HS1BP3: variants seen among roughly 807,000 people sequenced by gnomAD.
HS1BP3 encodes the protein HCLS1 binding protein 3, also known as HCLS1-binding protein 3.
Under a neutral mutation model 33.5 loss-of-function variants are expected in HS1BP3, and 32 were observed. The observed-to-expected ratio is 0.95, with a 90% CI of 0.72 to 1.28. HS1BP3 has a LOEUF of 1.28. Ranked by LOEUF, HS1BP3 falls within the 50% of genes most tolerant of loss-of-function variation. HS1BP3 has a pLI of 0.00. For synonymous variants in HS1BP3, 187 were observed against 209.2 expected (o/e 0.89, Z 0.92); for missense variants, 486 against 502.3 (o/e 0.97, Z 0.31).
the HS1BP3 span, among the ~76,000 whole-genome samples, chr2:20,554,025 G>A: frequency 3.3e-5 from 5 of 152,200 alleles, no homozygotes; most frequent in South Asian, 2.1e-4. Flanking sequence ...GCCTGGCCCC[G>A]ATCCCTAATT....
At chr2:20,586,674 C>G (rs1693692182) in intron 5 of HS1BP3, 2 of 152,108 alleles carry the variant, frequency 1.3e-5, no homozygotes, top group South Asian at 4.2e-4. Flanking sequence ...CCTCCAAAAG[C>G]AAAAATTAAG....
intron 3 of HS1BP3, among the ~76,000 whole-genome samples, chr2:20,638,987 G>A (rs60580455): frequency 0.074 from 11,231 of 152,296 alleles, 412 homozygotes; most frequent in Admixed American, 0.11. Context: ...TGTGTGCGCC[G>A]CAGGGATGGC....
intron 1 of HS1BP3, among the ~76,000 whole-genome samples, chr2:20,647,301 T>C (rs955823123): frequency 2.6e-5 from 4 of 152,174 alleles, no homozygotes; most frequent in African/African-American, 9.7e-5. Context: ...TCCCCTGACT[T>C]CTTACCCAGA....
intron 4 of HS1BP3, among the ~76,000 whole-genome samples, chr2:20,632,367 T>C (rs1371781017): frequency 1.3e-5 from 2 of 152,094 alleles, no homozygotes; most frequent in Admixed American, 6.5e-5. Context: ...GTCCTTGCAG[T>C]GGGGAATGCC....
chr2:20,593,607 C>T (rs73919930), intron 3 of HS1BP3, among the ~76,000 whole-genome samples: 11,665 of 152,134 alleles, frequency 0.077, 609 homozygotes, highest in African/African-American at 0.15. Flanking sequence ...TCCTCTTTTT[C>T]GAGCCAGACA....
intron 4 of HS1BP3, among the ~76,000 whole-genome samples, chr2:20,633,769 C>A (rs1695035841): frequency 6.6e-6 from 1 of 152,200 alleles, no homozygotes. Context: ...GTAACCTGCC[C>A]ACCTCAGCTG....
chr2:20,637,061 A>G (rs1695160433), intron 4 of HS1BP3: 1 of 108,162 alleles, frequency 9.2e-6, no homozygotes, highest in South Asian at 3.6e-4. Flanking sequence ...AAGGGGTCCC[A>G]GGATAGCTGA....
Position 20,638,424 on chromosome 2 carries a change from CAGG to C in HS1BP3, c.623+9_623+11del, listed in dbSNP as rs1695225256. On this transcript the variant is annotated intron_variant, in intron 4 of 6. Transcript: ENST00000304031. ...TACACCAAAGGGGCCCTCTCAACAA[CAGG>C]AGACCAACCGCATAATGCCCAGAGG... 1 of 1,612,570 alleles carries C rather than the reference CAGG, an allele frequency of 6.2e-7. No homozygotes were observed. The highest frequency in any genetic ancestry group is 1.7e-5 in the Admixed American group (1 of 59,940).
chr2:20,601,523 G>A (rs530646403), intron 2 of HS1BP3, among the ~76,000 whole-genome samples: 4 of 152,154 alleles, frequency 2.6e-5, no homozygotes, highest in Non-Finnish European at 5.9e-5. Context: ...GGACCCGGTG[G>A]GAGGTAATTG....
chr2:20,643,252 G>A (rs1695412650), intron 2 of HS1BP3, among the ~76,000 whole-genome samples: 1 of 152,208 alleles, frequency 6.6e-6, no homozygotes, highest in Admixed American at 6.5e-5. Context: ...TGTGATTCAT[G>A]GAGGTGTTAA....
chr2:20,560,992 G>T (rs926673893), intron 5 of HS1BP3, among the ~76,000 whole-genome samples: 1 of 152,142 alleles, frequency 6.6e-6, no homozygotes, highest in African/African-American at 2.4e-5. Context: ...GGGGCAGAGG[G>T]CAGCAGTGAA....
rs546076900 is a variant in HS1BP3, at chr2:20,600,916, C to T, written c.179-2651G>A. Among the ~76,000 whole-genome samples, 19 of 152,156 alleles carry T rather than the reference C, an allele frequency of 1.2e-4. No homozygotes were observed. In the South Asian group the frequency reaches 3.9e-3, roughly 32 times the overall value. ...TTCTAGGGTGGAGTGGTCATTCTTT[C>T]CCTCTGGAGTCAAACTTCAGTTAAT... is the stretch of plus-strand genomic sequence containing the variant. On this transcript the variant is annotated intron_variant, in intron 2 of 3. Coordinates refer to the HS1BP3 transcript ENST00000415264.
intron 5 of HS1BP3, among the ~76,000 whole-genome samples, chr2:20,564,395 C>A (rs114348669): frequency 0.01 from 1,561 of 152,364 alleles, 29 homozygotes; most frequent in African/African-American, 0.036. Context: ...TGCTGGTGAC[C>A]AGCCAGTTCC....
rs182145322 is a variant in HS1BP3, at chr2:20,600,761, G to A, written c.179-2496C>T. Among the ~76,000 whole-genome samples, 4 of 152,214 alleles carry A rather than the reference G, an allele frequency of 2.6e-5. No homozygotes were observed. In the East Asian group the frequency reaches 7.7e-4, roughly 29 times the overall value. ...AGAAAAATCTTTTAAAATGTGAGTG[G>A]TTATCTTTGAAAAATGAGATTGTGT... On this transcript the variant is annotated intron_variant, in intron 2 of 3. Coordinates refer to the HS1BP3 transcript ENST00000415264.
chr2:20,642,065 T>C (rs1335021350), intron 2 of HS1BP3, among the ~76,000 whole-genome samples: 2 of 152,158 alleles, frequency 1.3e-5, no homozygotes, highest in African/African-American at 2.4e-5. Context: ...TCACCTGCTG[T>C]ATGCACACAC....
At chr2:20,605,458 A>G (rs1165812780) in intron 2 of HS1BP3, among the ~76,000 whole-genome samples, 3 of 152,072 alleles carry the variant, frequency 2.0e-5, no homozygotes, top group African/African-American at 4.8e-5. Context: ...ATCACATAAA[A>G]TTTACCATTT....
chr2:20,646,182 A>G (rs58149059), intron 1 of HS1BP3, among the ~76,000 whole-genome samples: 7,501 of 152,292 alleles, frequency 0.049, 311 homozygotes, highest in African/African-American at 0.11. Context: ...CTTGAAGTGG[A>G]AAAAGTTATT....
chr2:20,596,935 G>A (rs958385543), intron 3 of HS1BP3, among the ~76,000 whole-genome samples: 10 of 152,136 alleles, frequency 6.6e-5, no homozygotes, highest in African/African-American at 2.4e-4. Flanking sequence ...ATGGCTCCCT[G>A]GACTCTGTGG....
downstream of HS1BP3, among the ~76,000 whole-genome samples, chr2:20,615,623 T>C (rs1356112854): frequency 6.6e-6 from 1 of 152,222 alleles, no homozygotes; most frequent in Non-Finnish European, 1.5e-5. Context: ...GTAGCTCTGT[T>C]ACCCTCTCTG....
Sources: gnomAD v4.1 joint callset for allele counts (sites outside exome capture counted in the v4.1 genomes callset) on GRCh38, gnomAD v4.1.1 for gene constraint, MANE v1.5 for transcripts, NCBI Gene and HGNC (gene_info 2026-07-23, HGNC 2026-07-21) for gene names.